The following DNAJC1 variants were observed in gnomAD, a reference collection of about 807,000 sequenced individuals.
DNAJC1 encodes the protein DnaJ heat shock protein family (Hsp40) member C1, also known as dnaJ homolog subfamily C member 1.
Under a neutral mutation model 76.6 loss-of-function variants are expected in DNAJC1, and 58 were observed. The ratio of observed to expected loss-of-function variants is 0.76; its 90% CI spans 0.61 to 0.94. The LOEUF is 0.94. Ranked by LOEUF, DNAJC1 falls within the 40% of genes least tolerant of loss-of-function variation. The probability of loss-of-function intolerance (pLI) is 0.00; values close to 1 mark genes in which losing one functional copy is unlikely to be tolerated. For synonymous variants in DNAJC1, 258 were observed against 267.9 expected (o/e 0.96, Z 0.36); for missense variants, 689 against 677.3 (o/e 1.02, Z -0.19).
At position 21,914,925 on chromosome 10, in the gene DNAJC1, G is replaced by C. The variant is rs148565416; in HGVS notation, c.729+3854C>G. On this transcript the variant is annotated intron_variant, in intron 6 of 11. Transcript: ENST00000376980. ...CTTACTTCTCTGACTATCTACAGAA[G>C]TCACTGTTCATACTAAAATGTGAAG... is the stretch of plus-strand genomic sequence containing the variant. Among the ~76,000 whole-genome samples the C allele has an allele frequency of 7.2e-3, 1,089 of 152,244 alleles. 6 individuals are homozygous for C. Among genetic ancestry groups the C allele is most frequent in the South Asian group, 0.017 (80 of 4,820 alleles).
At chr10:21,774,274 T>C (rs1242077383) in intron 9 of DNAJC1, among the ~76,000 whole-genome samples, 1 of 152,212 alleles carries the variant, frequency 6.6e-6, no homozygotes, top group Non-Finnish European at 1.5e-5. Flanking sequence ...TTTTCTCTGC[T>C]TCCTGCCTGG....
At chr10:21,838,060 C>A (rs1835501724) in intron 8 of DNAJC1, among the ~76,000 whole-genome samples, 1 of 150,284 alleles carries the variant, frequency 6.7e-6, no homozygotes, top group African/African-American at 2.4e-5. Context: ...GGCGCCTCTG[C>A]CTGGCCGCCC....
intron 8 of DNAJC1, among the ~76,000 whole-genome samples, chr10:21,871,645 GTTA>G (rs1230122904): frequency 1.3e-5 from 2 of 151,872 alleles, no homozygotes; most frequent in African/African-American, 2.4e-5. Flanking sequence ...TCTAATTTTC[GTTA>G]TTATTATTAT....
intron 2 of DNAJC1, 73 bp from the exon 3 acceptor site, chr10:21,928,625 T>A: frequency 8.3e-7 from 1 of 1,200,910 alleles, no homozygotes; most frequent in Non-Finnish European, 1.2e-6. Context: ...GTGAAGGCAC[T>A]ACAATACACA....
rs181236290 is a variant in DNAJC1 at position 21,940,991 on chromosome 10, C to T, written c.223-11850G>A. ...AACTGGCCAGGCGCGGTAGCTCACG[C>T]CTGTAATCCCAGCACTTTGGGAGGC... On this transcript the variant is annotated intron_variant, in intron 1 of 11. Coordinates refer to ENST00000376980, the MANE Select transcript of DNAJC1 (RefSeq NM_022365.4). Among the ~76,000 whole-genome samples, 580 of 151,582 alleles carry T rather than the reference C, an allele frequency of 3.8e-3. 5 individuals are homozygous for T. The highest frequency in any genetic ancestry group is 0.013 in the African/African-American group (540 of 41,310).
In DNAJC1 at chr10:21,802,788, C is replaced by G. The variant is rs560302612; in HGVS notation, c.1098+3192G>C. Among the ~76,000 whole-genome samples the G allele has an allele frequency of 4.9e-4, 75 of 152,224 alleles. No homozygotes were observed. The South Asian group carries it at 0.015, about 30-fold the overall frequency. On this transcript the variant is annotated intron_variant, in intron 9 of 11. Coordinates refer to ENST00000376980, the MANE Select transcript of DNAJC1 (RefSeq NM_022365.4). ...TACTTCACAAGCAAGAAATCTGGGG[C>G]CCCCTGACCTTAATTTAGGAAACCT...
chr10:21,777,048 T>G (rs1834461498), intron 9 of DNAJC1, among the ~76,000 whole-genome samples: 1 of 152,202 alleles, frequency 6.6e-6, no homozygotes, highest in South Asian at 2.1e-4. Context: ...TAAGGTGCTA[T>G]GTACAAATCA....
chr10:21,820,559 T>C (rs1030344488), intron 8 of DNAJC1, among the ~76,000 whole-genome samples: 3 of 152,152 alleles, frequency 2.0e-5, no homozygotes, highest in African/African-American at 7.2e-5. Context: ...AAGCAATCAA[T>C]TCTACAGAAG....
chr10:21,926,513 A>G (rs773521681), intron 3 of DNAJC1, among the ~76,000 whole-genome samples: 4 of 152,300 alleles, frequency 2.6e-5, no homozygotes, highest in Middle Eastern at 3.4e-3. Context: ...GCATTTTTTC[A>G]TATCAATATG....
rs1836446726 is a variant in DNAJC1 at position 21,890,628 on chromosome 10, C to A, written c.821-8189G>T. Among the ~76,000 whole-genome samples the A allele has an allele frequency of 2.6e-5, 4 of 152,160 alleles. No individual in the cohort carries two copies. The South Asian group carries it at 8.3e-4, about 32-fold the overall frequency. On this transcript the variant is annotated intron_variant, in intron 7 of 11. Coordinates refer to ENST00000376980, the MANE Select transcript of DNAJC1 (RefSeq NM_022365.4). ...ATATCTATACCCACCTGAGAATCCA[C>A]AAACGCTCCGTTCCTCATCTGTTAA...
chr10:21,947,397 C>T (rs1049123993), intron 1 of DNAJC1, among the ~76,000 whole-genome samples: 6 of 152,104 alleles, frequency 3.9e-5, no homozygotes, highest in Admixed American at 6.5e-5. Context: ...CTGCCTCCGC[C>T]ATCCTTGAGG....
At chr10:21,838,728 C>T (rs1290068592) in intron 8 of DNAJC1, among the ~76,000 whole-genome samples, 3 of 152,148 alleles carry the variant, frequency 2.0e-5, no homozygotes, top group Non-Finnish European at 4.4e-5. Context: ...AGGAATTGAA[C>T]TCAGCTCTTC....
chr10:21,815,642 T>C (rs1417624848), intron 8 of DNAJC1, among the ~76,000 whole-genome samples: 1 of 152,198 alleles, frequency 6.6e-6, no homozygotes, highest in Non-Finnish European at 1.5e-5. Flanking sequence ...GCTTTTCATT[T>C]TCATAAAGTT....
chr10:21,819,268 G>T (rs1286467801), intron 8 of DNAJC1, among the ~76,000 whole-genome samples: 1 of 152,034 alleles, frequency 6.6e-6, no homozygotes, highest in African/African-American at 2.4e-5. Context: ...GGGCATGGTG[G>T]CGTGCATCTG....
chr10:21,906,693 A>G (rs1035978874), intron 6 of DNAJC1, among the ~76,000 whole-genome samples: 2 of 152,190 alleles, frequency 1.3e-5, no homozygotes, highest in Admixed American at 1.3e-4. Flanking sequence ...CAGCTCTGCC[A>G]TCTTACTAGC....
chr10:21,976,615 G>C (rs1369675275), intron 1 of DNAJC1, among the ~76,000 whole-genome samples: 1 of 152,144 alleles, frequency 6.6e-6, no homozygotes, highest in African/African-American at 2.4e-5. Context: ...GAGTTAAAAG[G>C]AATATGTACA....
At chr10:21,841,544 C>T (rs548140463) in intron 8 of DNAJC1, among the ~76,000 whole-genome samples, 10 of 152,110 alleles carry the variant, frequency 6.6e-5, no homozygotes, top group African/African-American at 2.2e-4. Context: ...AAATCAAAAC[C>T]ACAATGAGAT....
chr10:21,934,557 A>G (rs1269165430), intron 1 of DNAJC1, among the ~76,000 whole-genome samples: 2 of 152,170 alleles, frequency 1.3e-5, no homozygotes, highest in African/African-American at 4.8e-5. Flanking sequence ...TACCCTATAC[A>G]AGTACATTTT....
intron 9 of DNAJC1, among the ~76,000 whole-genome samples, chr10:21,792,865 T>C (rs1294545320): frequency 2.0e-5 from 3 of 152,002 alleles, no homozygotes; most frequent in Non-Finnish European, 2.9e-5. Context: ...CAAAGATCAA[T>C]TTATATACTA....
Sources: gnomAD v4.1 joint callset for allele counts (sites outside exome capture counted in the v4.1 genomes callset) on GRCh38, gnomAD v4.1.1 for gene constraint, MANE v1.5 for transcripts, NCBI Gene and HGNC (gene_info 2026-07-23, HGNC 2026-07-21) for gene names.